Variants in CLUL1 observed in about 807,000 individuals in gnomAD.
CLUL1 encodes the protein clusterin like 1, also known as clusterin-like protein 1.
In CLUL1, 43 loss-of-function variants were observed where a neutral mutation model predicts 49.4. The observed-to-expected ratio is 0.87, with a 90% CI of 0.68 to 1.12. The LOEUF is 1.12. Ranked by LOEUF, CLUL1 falls within the 50% of genes most tolerant of loss-of-function variation. The pLI is 0.00. For synonymous variants in CLUL1, 192 were observed against 184.9 expected (o/e 1.04, Z -0.31); for missense variants, 486 against 544.4 (o/e 0.89, Z 1.07).
chr18:618,543 C>T lies in CLUL1; in HGVS notation c.106+437C>T, dbSNP rs2073378226. On this transcript the variant is annotated intron_variant, in intron 3 of 9. Transcript: ENST00000692774. This position sits in a 1 kb window ranked among gnomAD's most constrained non-coding sequence, Gnocchi z 4.2. ...TTGTTCTGTGGCCATTAACTTGCAA[C>T]TTTGCTTGGTGATATATACTTTGGG... 6.6e-6 allele frequency among the ~76,000 whole-genome samples: 1 copy of T among 152,138 alleles called. No homozygotes were observed. Among genetic ancestry groups the T allele is most frequent in the Non-Finnish European group, 1.5e-5 (1 of 68,040 alleles).
chr18:649,967 G>A lies in CLUL1; in HGVS notation c.*66G>A. 2.7e-6 allele frequency: 3 copies of A among 1,102,016 alleles called. No homozygotes were observed. Among genetic ancestry groups the A allele is most frequent in the Non-Finnish European group, 2.7e-6 (2 of 747,488 alleles). 68.3% of individuals were successfully genotyped at this position (1,102,016 alleles called of 1,614,324 possible). ...TCTTCATCTGGGACCTGGAAATCCTGAAATAAAAAAGGATAATGCAATAAA... is the reference window on the plus strand; with the variant it reads ...TCTTCATCTGGGACCTGGAAATCCTAAAATAAAAAAGGATAATGCAATAAA... On this transcript the variant is annotated 3_prime_UTR_variant, in exon 10 of 10. Coordinates refer to ENST00000692774, the MANE Select transcript of CLUL1 (RefSeq NM_001393344.1).
At position 618,173 on chromosome 18, in the gene CLUL1, T is replaced by A; in HGVS notation, c.106+67T>A. On this transcript the variant is annotated intron_variant, in intron 3 of 9. Coordinates refer to ENST00000692774, the MANE Select transcript of CLUL1 (RefSeq NM_001393344.1). The surrounding 1 kb of genome is among the most constrained non-coding windows in gnomAD (Gnocchi z 4.2). ...TTGGTTGTCCTGCTGGCGTTTATAG[T>A]GAGTCGCAGTTGAGAGATAACCATA... is the stretch of plus-strand genomic sequence containing the variant. The A allele has an allele frequency of 8.5e-7, 1 of 1,171,802 alleles. No homozygotes were observed. Among genetic ancestry groups the A allele is most frequent in the Non-Finnish European group, 1.3e-6 (1 of 784,996 alleles). The allele number at this position is 1,171,802 out of a possible 1,614,324, so 72.6% of individuals were successfully genotyped here. A position where few individuals can be genotyped will look rare whatever the true frequency, so the allele number is the denominator to read the frequency against.
At chr18:639,478 A>G (rs992769825) in intron 7 of CLUL1, among the ~76,000 whole-genome samples, 5 of 134,678 alleles carry the variant, frequency 3.7e-5, no homozygotes, top group African/African-American at 1.4e-4. Flanking sequence ...AAACGGGCAC[A>G]TGTCTGGCTG....
chr18:620,949 T>C (rs972222874), intron 4 of CLUL1, among the ~76,000 whole-genome samples: 8 of 152,240 alleles, frequency 5.3e-5, no homozygotes, highest in African/African-American at 1.9e-4. Flanking sequence ...GAAAATATTT[T>C]CAATTTTAAT....
intron 7 of CLUL1, among the ~76,000 whole-genome samples, chr18:637,745 C>G (rs980247008): frequency 1.3e-5 from 2 of 152,072 alleles, no homozygotes; most frequent in African/African-American, 4.8e-5. Flanking sequence ...AAGGCCGAGG[C>G]GGGCGGATCA....
chr18:638,104 C>A (rs534646940), intron 7 of CLUL1, among the ~76,000 whole-genome samples: 3 of 152,198 alleles, frequency 2.0e-5, no homozygotes, highest in Non-Finnish European at 4.4e-5. Context: ...ATATCTGCTT[C>A]GTACACATCT....
At chr18:627,974 C>G (rs1371443772) in intron 6 of CLUL1, among the ~76,000 whole-genome samples, 1 of 152,286 alleles carries the variant, frequency 6.6e-6, no homozygotes. Flanking sequence ...CAGTTGTGCA[C>G]CACCACGCCC....
chr18:638,875 C>A (rs1366155340), intron 7 of CLUL1, among the ~76,000 whole-genome samples: 2 of 146,682 alleles, frequency 1.4e-5, no homozygotes, highest in Non-Finnish European at 3.0e-5. Context: ...AAAAAAAATT[C>A]TCAGTCACCT....
At chr18:640,495 T>C (rs1412956514) in intron 7 of CLUL1, among the ~76,000 whole-genome samples, 2 of 152,186 alleles carry the variant, frequency 1.3e-5, no homozygotes, top group Non-Finnish European at 2.9e-5. Flanking sequence ...CTGGATAATT[T>C]TTCTTTTTTA....
intron 2 of CLUL1, among the ~76,000 whole-genome samples, chr18:610,321 G>A (rs894127439): frequency 2.0e-5 from 3 of 152,124 alleles, no homozygotes; most frequent in African/African-American, 7.2e-5. Flanking sequence ...CCTTTATAAT[G>A]CACGGGCCCA....
Position 627,183 on chromosome 18 carries a change from CATTGAGGAAGATGCACA to C in CLUL1, c.516_532del (p.Glu172AspfsTer19), listed in dbSNP as rs750098263. Reference sequence around the variant, plus strand: ...AAGATCTCCCCATCAGTGAAAAGCTCATTGAGGAAGATGCACAATTGACCCAAATGGAGGATGTGTTC... The same window carrying C: ...AAGATCTCCCCATCAGTGAAAAGCTCATTGACCCAAATGGAGGATGTGTTC... On this transcript the variant is annotated frameshift_variant, in exon 6 of 10. Coordinates refer to ENST00000692774, the MANE Select transcript of CLUL1 (RefSeq NM_001393344.1). LOFTEE classifies it high-confidence loss of function. The C allele has an allele frequency of 2.5e-6, 4 of 1,613,226 alleles. No individual in the cohort carries two copies. Among genetic ancestry groups the C allele is most frequent in the Non-Finnish European group, 3.4e-6 (4 of 1,179,478 alleles).
chr18:628,265 G>A (rs2073870785), intron 6 of CLUL1, among the ~76,000 whole-genome samples: 1 of 152,206 alleles, frequency 6.6e-6, no homozygotes. Context: ...GAGCAATTTA[G>A]TGCCCTCCTC....
chr18:642,641 T>G (rs776248531), intron 8 of CLUL1, among the ~76,000 whole-genome samples: 4 of 152,132 alleles, frequency 2.6e-5, no homozygotes, highest in African/African-American at 4.8e-5. Flanking sequence ...CAAAAAGACT[T>G]GGATACAAAA....
chr18:602,041 C>T (rs555832841), intron 1 of CLUL1, among the ~76,000 whole-genome samples: 2 of 151,990 alleles, frequency 1.3e-5, no homozygotes, highest in African/African-American at 2.4e-5. Flanking sequence ...GGCAACAAAG[C>T]GAGACCTCAT....
intron 2 of CLUL1, among the ~76,000 whole-genome samples, chr18:617,606 A>AG (rs1391344315): frequency 1.3e-5 from 2 of 151,760 alleles, no homozygotes; most frequent in Admixed American, 1.3e-4. Context: ...AAAAAAAAAA[A>AG]AAAAAAAAAG....
chr18:601,074 G>A (rs555013875), intron 1 of CLUL1, among the ~76,000 whole-genome samples: 23 of 152,190 alleles, frequency 1.5e-4, no homozygotes, highest in East Asian at 9.7e-4. Context: ...AAATATCCTC[G>A]GCTTACCTGA....
intron 9 of CLUL1, among the ~76,000 whole-genome samples, chr18:646,503 C>T (rs1165041190): frequency 1.0e-3 from 79 of 76,272 alleles, no homozygotes; most frequent in African/African-American, 3.8e-3. Flanking sequence ...GATAGACACA[C>T]ACACACACAC....
At chr18:602,357 C>T (rs539812444) in intron 1 of CLUL1, among the ~76,000 whole-genome samples, 1 of 152,262 alleles carries the variant, frequency 6.6e-6, no homozygotes, top group East Asian at 1.9e-4. Flanking sequence ...CTCTCCCTGC[C>T]TCCAGGAAGG....
Position 650,122 on chromosome 18 carries a change from A to T in CLUL1, c.*221A>T. 2.6e-6 allele frequency: 1 copy of T among 389,594 alleles called. No individual in the cohort carries two copies. The allele number at this position is 389,594 out of a possible 1,614,324, so 24.1% of individuals were successfully genotyped here. A position where few individuals can be genotyped will look rare whatever the true frequency, so the allele number is the denominator to read the frequency against. ...TCCTCCTTAAAAAATCAAACGTAAT[A>T]TGTATTACATTTCATGGTACATTAG... is the stretch of plus-strand genomic sequence containing the variant. On this transcript the variant is annotated 3_prime_UTR_variant, in exon 10 of 10. Transcript: ENST00000692774.
Sources: gnomAD v4.1 joint callset for allele counts (sites outside exome capture counted in the v4.1 genomes callset) on GRCh38, gnomAD v4.1.1 for gene constraint, Gnocchi (gnomAD v3.1) non-coding constraint, MANE v1.5 for transcripts, NCBI Gene and HGNC (gene_info 2026-07-23, HGNC 2026-07-21) for gene names.